HMCN1: variants seen among roughly 807,000 people sequenced by gnomAD.
The protein encoded by HMCN1 is hemicentin 1, also known as hemicentin-1.
In HMCN1, 321 loss-of-function variants were observed where a neutral mutation model predicts 625.9. The ratio of observed to expected loss-of-function variants is 0.51; its 90% CI spans 0.47 to 0.56. HMCN1 has a LOEUF of 0.56. Among genes scored for constraint, HMCN1 ranks in the 20% least tolerant of loss-of-function variants. HMCN1 has a pLI of 0.00. For missense variants in HMCN1, 6,588 were observed against 6,887.3 expected (o/e 0.96, Z 1.54); for synonymous variants, 2,425 against 2,417.6 (o/e 1.00, Z -0.09).
chr1:186,086,298 C>T lies in HMCN1; in HGVS notation c.8937C>T (p.Asn2979=), dbSNP rs1659469974. ...CTGAAAATCTTACCGTCGTGGTGAACAATTTCATCTCTTTGACCTGTGAGG... is the reference window on the plus strand; with the variant it reads ...CTGAAAATCTTACCGTCGTGGTGAATAATTTCATCTCTTTGACCTGTGAGG... ...PKSENLTVVV[N]NFISLTCEVS... is the part of the protein sequence containing the mutation. The change falls in exon 58 of 107, where the codon AAC becomes AAT. Residue 2979 remains asparagine, a synonymous_variant. Coordinates refer to ENST00000271588, the MANE Select transcript of HMCN1 (RefSeq NM_031935.3). The T allele has an allele frequency of 1.2e-6, 2 of 1,613,206 alleles. No homozygotes were observed. Among genetic ancestry groups the T allele is most frequent in the Non-Finnish European group, 1.7e-6 (2 of 1,179,404 alleles).
intron 1 of HMCN1, among the ~76,000 whole-genome samples, chr1:185,823,695 C>T (rs1311499489): frequency 1.3e-5 from 2 of 152,092 alleles, no homozygotes; most frequent in African/African-American, 2.4e-5. Flanking sequence ...ATACAATATC[C>T]TGTTCTGGAA....
intron 36 of HMCN1, among the ~76,000 whole-genome samples, chr1:186,032,103 A>C (rs1042369824): frequency 6.6e-6 from 1 of 152,154 alleles, no homozygotes; most frequent in Non-Finnish European, 1.5e-5. Flanking sequence ...TAGCAAAAGA[A>C]ATAATCAGCA....
intron 19 of HMCN1, among the ~76,000 whole-genome samples, chr1:185,986,851 A>G (rs1362489537): frequency 6.7e-6 from 1 of 149,650 alleles, no homozygotes; most frequent in East Asian, 1.9e-4. Context: ...AAAATTAATT[A>G]ATTAATTAAA....
At chr1:185,820,604 T>C (rs1034914756) in intron 1 of HMCN1, among the ~76,000 whole-genome samples, 2 of 152,184 alleles carry the variant, frequency 1.3e-5, no homozygotes, top group African/African-American at 4.8e-5. Flanking sequence ...AATAAGGTTA[T>C]ACATAGTAAA....
In HMCN1 at chr1:186,114,142, T is replaced by A; in HGVS notation, c.11276+19T>A. The A allele has an allele frequency of 1.2e-6, 2 of 1,613,596 alleles. No homozygotes were observed. Among genetic ancestry groups the A allele is most frequent in the African/African-American group, 2.7e-5 (2 of 75,050 alleles). On this transcript the variant is annotated intron_variant, in intron 73 of 106. Coordinates refer to ENST00000271588, the MANE Select transcript of HMCN1 (RefSeq NM_031935.3). ...ATGCAAGGTAACCATACTGGAAAAT[T>A]AAAAAATGCTATAAGACCTGAAATA...
chr1:185,841,198 T>A (rs958377599), intron 1 of HMCN1, among the ~76,000 whole-genome samples: 7 of 152,094 alleles, frequency 4.6e-5, no homozygotes, highest in Admixed American at 3.9e-4. Flanking sequence ...TGGGAAATAA[T>A]AAAATTACTG....
intron 30 of HMCN1, among the ~76,000 whole-genome samples, chr1:186,014,849 G>C (rs1654253774): frequency 1.3e-5 from 2 of 151,986 alleles, no homozygotes; most frequent in South Asian, 4.2e-4. Context: ...CCTTTGAGTG[G>C]GGTTTTATTT....
At chr1:186,161,665 C>G (rs1368440161) in intron 97 of HMCN1, among the ~76,000 whole-genome samples, 2 of 152,036 alleles carry the variant, frequency 1.3e-5, no homozygotes, top group Non-Finnish European at 2.9e-5. Flanking sequence ...TGTTTTATTT[C>G]TCCTTCACTT....
intron 1 of HMCN1, among the ~76,000 whole-genome samples, chr1:185,750,162 A>G (rs1287167903): frequency 6.6e-6 from 1 of 152,152 alleles, no homozygotes; most frequent in African/African-American, 2.4e-5. Flanking sequence ...CAGGAACTTA[A>G]TTTTCATGAC....
intron 19 of HMCN1, 91 bp downstream of exon 19, chr1:185,984,404 C>T: frequency 1.3e-5 from 15 of 1,135,946 alleles, no homozygotes; most frequent in Non-Finnish European, 1.9e-5. Context: ...CCTCTAATTA[C>T]AATTAGATAT....
intron 64 of HMCN1, among the ~76,000 whole-genome samples, chr1:186,092,193 A>G (rs1659881702): frequency 6.6e-6 from 1 of 151,860 alleles, no homozygotes. Context: ...TATTCATTCC[A>G]TAATATGTAT....
At chr1:185,741,559 C>G (rs992899332) in intron 1 of HMCN1, among the ~76,000 whole-genome samples, 5 of 152,106 alleles carry the variant, frequency 3.3e-5, no homozygotes, top group Admixed American at 3.3e-4. Context: ...GAGAAGAGGT[C>G]TGAGGACCTA....
chr1:186,141,926 C>A (rs1393819128), intron 89 of HMCN1, among the ~76,000 whole-genome samples: 1 of 152,174 alleles, frequency 6.6e-6, no homozygotes, highest in East Asian at 1.9e-4. Flanking sequence ...ACTAAAACTG[C>A]AACATAGTGT....
chr1:186,072,014 T>A (rs1396313994), intron 52 of HMCN1, among the ~76,000 whole-genome samples: 1 of 152,138 alleles, frequency 6.6e-6, no homozygotes, highest in Non-Finnish European at 1.5e-5. Context: ...TTTTTGAAAA[T>A]TTCATTATAA....
chr1:186,167,555 A>C (rs1209405848), intron 100 of HMCN1, among the ~76,000 whole-genome samples: 1 of 152,204 alleles, frequency 6.6e-6, no homozygotes, highest in Non-Finnish European at 1.5e-5. Flanking sequence ...ATGGGTTTGC[A>C]AAAATTTATA....
At chr1:186,107,006 C>A (rs1660639714) in intron 70 of HMCN1, 41 bp downstream of exon 70, 2 of 1,201,670 alleles carry the variant, frequency 1.7e-6, no homozygotes, top group Admixed American at 1.7e-5. Context: ...CATACACACA[C>A]CTAATTAGAA....
At chr1:186,155,250 G>A (rs1487500748) in intron 97 of HMCN1, among the ~76,000 whole-genome samples, 1 of 152,116 alleles carries the variant, frequency 6.6e-6, no homozygotes, top group African/African-American at 2.4e-5. Context: ...GGAAGTACAA[G>A]CACACATTTT....
At chr1:186,095,141 A>G (rs1375996754) in intron 67 of HMCN1, 102 bp from the exon 68 acceptor site, 3 of 1,192,022 alleles carry the variant, frequency 2.5e-6, no homozygotes, top group African/African-American at 1.5e-5. Context: ...ATATATTTTT[A>G]TCAACCACAG....
At chr1:185,873,744 A>T (rs950895082) in intron 4 of HMCN1, among the ~76,000 whole-genome samples, 16 of 152,114 alleles carry the variant, frequency 1.1e-4, no homozygotes, top group African/African-American at 3.6e-4. Flanking sequence ...CAGAACAAGA[A>T]TTGCCTGCTG....
Sources: gnomAD v4.1 joint callset for allele counts (sites outside exome capture counted in the v4.1 genomes callset) on GRCh38, gnomAD v4.1.1 for gene constraint, MANE v1.5 for transcripts, NCBI Gene and HGNC (gene_info 2026-07-23, HGNC 2026-07-21) for gene names.